Variants in SCFD2 observed in about 807,000 individuals in gnomAD.
The protein encoded by SCFD2 is sec1 family domain-containing protein 2.
Under a neutral mutation model 58.9 loss-of-function variants are expected in SCFD2, and 54 were observed. That is an observed-to-expected ratio of 0.92 (90% CI 0.74 to 1.15). The LOEUF (loss-of-function observed/expected upper bound fraction) is 1.15. Ranked by LOEUF, SCFD2 falls within the 50% of genes most tolerant of loss-of-function variation. The pLI is 0.00. For synonymous variants in SCFD2, 321 were observed against 335.9 expected (o/e 0.96, Z 0.49); for missense variants, 805 against 836.6 (o/e 0.96, Z 0.47).
intron 6 of SCFD2, among the ~76,000 whole-genome samples, chr4:52,919,256 T>G (rs1719678504): frequency 6.6e-6 from 1 of 152,224 alleles, no homozygotes; most frequent in Admixed American, 6.5e-5. Flanking sequence ...ATTTTCTCTT[T>G]GCCAACTACA....
intron 5 of SCFD2, among the ~76,000 whole-genome samples, chr4:53,019,564 A>C (rs1220068048): frequency 6.6e-6 from 1 of 152,186 alleles, no homozygotes; most frequent in Non-Finnish European, 1.5e-5. Flanking sequence ...AGGAGAAGAA[A>C]TAAGGAGTAA....
At chr4:52,914,555 G>T (rs1293348206) in intron 6 of SCFD2, among the ~76,000 whole-genome samples, 2 of 152,134 alleles carry the variant, frequency 1.3e-5, no homozygotes, top group African/African-American at 4.8e-5. Context: ...CTCCCCTGAT[G>T]GGGAGCTACT....
At chr4:53,360,205 A>T (rs1171581066) in intron 1 of SCFD2, among the ~76,000 whole-genome samples, 1 of 152,248 alleles carries the variant, frequency 6.6e-6, no homozygotes, top group East Asian at 1.9e-4. Context: ...CACTATGTGG[A>T]AACATCTTTG....
chr4:53,281,176 T>C (rs1412356243), intron 3 of SCFD2, among the ~76,000 whole-genome samples: 3 of 152,236 alleles, frequency 2.0e-5, no homozygotes, highest in Non-Finnish European at 2.9e-5. Context: ...GTAAACTCTT[T>C]TGCTCACAAA....
At position 53,352,648 on chromosome 4, in the gene SCFD2, A is replaced by C; in HGVS notation, c.957T>G (p.Thr319=). 3 of 1,614,008 alleles carry C rather than the reference A, an allele frequency of 1.9e-6. No homozygotes were observed. The highest frequency in any genetic ancestry group is 2.5e-6 in the Non-Finnish European group (3 of 1,179,922). The change falls in exon 2 of 9, where the codon ACT becomes ACG. Residue 319 remains threonine, a synonymous_variant. Coordinates refer to ENST00000401642, the MANE Select transcript of SCFD2 (RefSeq NM_152540.4). ...CAACCACATTATAATTTTCCTCCTC[A>C]GTATGGAGTGCAGTGAGCGCTATCA... is the stretch of plus-strand genomic sequence containing the variant. The part of the protein sequence containing the change: ...VNMIALTALH[T]EEENYNVVAP...
At chr4:53,288,845 T>C (rs902281114) in intron 3 of SCFD2, among the ~76,000 whole-genome samples, 1 of 152,260 alleles carries the variant, frequency 6.6e-6, no homozygotes, top group African/African-American at 2.4e-5. Context: ...TAATTCAAAT[T>C]CAGAATACAC....
chr4:52,978,185 G>A (rs1455206557), intron 5 of SCFD2, among the ~76,000 whole-genome samples: 1 of 152,200 alleles, frequency 6.6e-6, no homozygotes, highest in East Asian at 1.9e-4. Flanking sequence ...GTCATCATAA[G>A]TGAGGAAGAT....
chr4:53,272,735 G>A (rs1273604317), intron 4 of SCFD2, among the ~76,000 whole-genome samples: 2 of 152,142 alleles, frequency 1.3e-5, no homozygotes, highest in Admixed American at 1.3e-4. Flanking sequence ...ATAGCATTAG[G>A]AGATATACCT....
chr4:53,074,804 AG>A (rs1228988194), intron 5 of SCFD2, among the ~76,000 whole-genome samples: 4 of 152,168 alleles, frequency 2.6e-5, no homozygotes, highest in African/African-American at 4.8e-5. Context: ...GCTGCCATCC[AG>A]GGTTTGTTGT....
At chr4:53,343,300 T>A (rs1733944691) in intron 2 of SCFD2, among the ~76,000 whole-genome samples, 1 of 152,138 alleles carries the variant, frequency 6.6e-6, no homozygotes, top group African/African-American at 2.4e-5. Flanking sequence ...AAATACAAGC[T>A]ACCATCAGAG....
chr4:52,944,271 T>A (rs573323244), intron 5 of SCFD2, among the ~76,000 whole-genome samples: 6 of 152,352 alleles, frequency 3.9e-5, no homozygotes, highest in African/African-American at 1.4e-4. Flanking sequence ...TCAAAAGATT[T>A]CCATACTGCA....
At chr4:53,063,312 T>TA (rs892094796) in intron 5 of SCFD2, among the ~76,000 whole-genome samples, 5 of 152,140 alleles carry the variant, frequency 3.3e-5, no homozygotes, top group Admixed American at 3.3e-4. Context: ...GTTTTAATTT[T>TA]AAAAACCCAT....
chr4:53,226,296 A>G (rs1447671332), intron 4 of SCFD2, among the ~76,000 whole-genome samples: 1 of 152,128 alleles, frequency 6.6e-6, no homozygotes, highest in Non-Finnish European at 1.5e-5. Flanking sequence ...ATTGGTAATT[A>G]TTTTTATGGG....
At chr4:53,333,456 A>G (rs200511443) in intron 2 of SCFD2, among the ~76,000 whole-genome samples, 10,437 of 139,886 alleles carry the variant, frequency 0.075, 439 homozygotes, top group South Asian at 0.16. Flanking sequence ...CATATCTACA[A>G]CTATCTGATC....
intron 5 of SCFD2, among the ~76,000 whole-genome samples, chr4:53,053,846 A>G (rs554794600): frequency 1.3e-5 from 2 of 152,300 alleles, no homozygotes; most frequent in African/African-American, 4.8e-5. Context: ...TTCAGGGTAC[A>G]TGTGATAATT....
chr4:52,954,664 C>T (rs923959502), intron 5 of SCFD2, among the ~76,000 whole-genome samples: 1 of 152,016 alleles, frequency 6.6e-6, no homozygotes, highest in African/African-American at 2.4e-5. Context: ...AGGGTGAGTC[C>T]AGAGAAAAGT....
At chr4:53,119,810 A>G (rs1725428229) in intron 5 of SCFD2, among the ~76,000 whole-genome samples, 1 of 152,358 alleles carries the variant, frequency 6.6e-6, no homozygotes, top group Admixed American at 6.5e-5. Flanking sequence ...CAGCAGTGAC[A>G]TCACACCACA....
intron 4 of SCFD2, chr4:53,265,358 A>T (rs1301148702): frequency 1.3e-5 from 2 of 152,178 alleles, no homozygotes; most frequent in African/African-American, 4.8e-5. Context: ...CCAATACACC[A>T]TGCCATTTTT....
At chr4:53,019,604 C>A (rs915181975) in intron 5 of SCFD2, among the ~76,000 whole-genome samples, 2 of 152,126 alleles carry the variant, frequency 1.3e-5, no homozygotes, top group Non-Finnish European at 2.9e-5. Flanking sequence ...AGGGGTTGGA[C>A]AACCCTGACA....
Sources: allele counts gnomAD v4.1 joint callset (sites outside exome capture counted in the v4.1 genomes callset), GRCh38; gene constraint gnomAD v4.1.1; transcripts MANE v1.5; gene names NCBI Gene and HGNC (gene_info 2026-07-23, HGNC 2026-07-21).